The following ZNF704 variants were observed in gnomAD, a reference collection of about 807,000 sequenced individuals.
ZNF704 encodes the protein zinc finger protein 704.
Under a neutral mutation model 44.7 loss-of-function variants are expected in ZNF704, and 10 were observed. The observed-to-expected ratio is 0.22, with a 90% confidence interval of 0.14 to 0.38. The LOEUF (loss-of-function observed/expected upper bound fraction) is 0.38, where lower values mean the gene tolerates loss of function less well. Among genes scored for constraint, ZNF704 ranks in the 10% least tolerant of loss-of-function variants. The pLI is 1.00. For synonymous variants in ZNF704, 211 were observed against 207.6 expected (o/e 1.02, Z -0.14); for missense variants, 390 against 545.5 (o/e 0.71, Z 2.84).
intron 7 of ZNF704, among the ~76,000 whole-genome samples, chr8:80,653,639 C>T (rs58579409): frequency 0.047 from 7,200 of 151,766 alleles, 546 homozygotes; most frequent in African/African-American, 0.16. Flanking sequence ...ACAAGGGATG[C>T]GAAGGACCTC....
At chr8:80,667,915 T>C (rs1404656396) in intron 5 of ZNF704, among the ~76,000 whole-genome samples, 1 of 152,118 alleles carries the variant, frequency 6.6e-6, no homozygotes, top group Non-Finnish European at 1.5e-5. Context: ...AGCTAATAAA[T>C]ATAGGGTGCT....
At chr8:80,722,406 T>C (rs1005031523) in intron 2 of ZNF704, among the ~76,000 whole-genome samples, 1 of 152,220 alleles carries the variant, frequency 6.6e-6, no homozygotes, top group African/African-American at 2.4e-5. Context: ...AGGGCTGTCA[T>C]GAAGATTAAC....
chr8:80,663,191 G>A (rs1818128386), intron 6 of ZNF704, among the ~76,000 whole-genome samples: 1 of 151,966 alleles, frequency 6.6e-6, no homozygotes, highest in Non-Finnish European at 1.5e-5. Flanking sequence ...ACCAGCCTGG[G>A]CAATGTAGTG....
intron 2 of ZNF704, among the ~76,000 whole-genome samples, chr8:80,710,657 C>T (rs1818971367): frequency 6.6e-6 from 1 of 152,322 alleles, no homozygotes; most frequent in African/African-American, 2.4e-5. Context: ...AGCCTCCTCT[C>T]TCTACCGTGT....
chr8:80,750,678 G>C (rs1048283589), intron 2 of ZNF704, among the ~76,000 whole-genome samples: 1 of 152,066 alleles, frequency 6.6e-6, no homozygotes, highest in Non-Finnish European at 1.5e-5. Context: ...ACCACATCTG[G>C]CTAATTTTGT....
At chr8:80,854,762 A>G (rs549482737) in intron 1 of ZNF704, among the ~76,000 whole-genome samples, 25 of 152,336 alleles carry the variant, frequency 1.6e-4, no homozygotes, top group African/African-American at 5.8e-4. Context: ...AGCTTTCTAC[A>G]TTTGTCAAAT....
At chr8:80,833,901 A>T (rs570247322) in intron 1 of ZNF704, among the ~76,000 whole-genome samples, 9 of 152,268 alleles carry the variant, frequency 5.9e-5, no homozygotes, top group African/African-American at 2.2e-4. Flanking sequence ...GAATGGGCCA[A>T]AGTGTGGAGA....
intron 2 of ZNF704, among the ~76,000 whole-genome samples, chr8:80,736,793 A>G (rs1433716863): frequency 1.3e-5 from 2 of 152,136 alleles, no homozygotes; most frequent in South Asian, 2.1e-4. Flanking sequence ...AATCACCACT[A>G]AAGAACTTAT....
chr8:80,683,475 T>TGTC lies in ZNF704; in HGVS notation c.558+3748_558+3750dup, dbSNP rs538615089. Among the ~76,000 whole-genome samples, 198 of 152,332 alleles carry TGTC rather than the reference T, an allele frequency of 1.3e-3. 2 individuals are homozygous for TGTC. The highest frequency in any genetic ancestry group is 2.7e-3 in the Admixed American group (42 of 15,300). Reference sequence around the variant, plus strand: ...CCACCCTGCCACATAGCTGTAGCTATGTCTGATTATTTTCTCTCCACGTTT... The same window carrying TGTC: ...CCACCCTGCCACATAGCTGTAGCTATGTCGTCTGATTATTTTCTCTCCACGTTT... On this transcript the variant is annotated intron_variant, in intron 4 of 8. Coordinates refer to ENST00000327835, the MANE Select transcript of ZNF704 (RefSeq NM_001033723.3).
intron 2 of ZNF704, among the ~76,000 whole-genome samples, chr8:80,820,719 A>G: frequency 6.6e-6 from 1 of 152,056 alleles, no homozygotes; most frequent in East Asian, 1.9e-4. Context: ...TGGGTAACAC[A>G]GTGAGACACC....
chr8:80,753,311 T>TG (rs1444482827), intron 2 of ZNF704, among the ~76,000 whole-genome samples: 1 of 152,202 alleles, frequency 6.6e-6, no homozygotes, highest in Non-Finnish European at 1.5e-5. Context: ...TCTTCCTTCC[T>TG]GCTGGAGGAG....
intron 2 of ZNF704, among the ~76,000 whole-genome samples, chr8:80,748,542 C>T (rs192319311): frequency 6.6e-6 from 1 of 152,284 alleles, no homozygotes; most frequent in Admixed American, 6.5e-5. Context: ...TAGGCCCAAA[C>T]CAACGTATTA....
At position 80,634,094 on chromosome 8, in the gene ZNF704, C is replaced by G. The variant is rs1275510181; in HGVS notation, c.*7272G>C. 1 of 152,138 alleles carries G rather than the reference C, an allele frequency of 6.6e-6. No individual in the cohort carries two copies. Among genetic ancestry groups the G allele is most frequent in the African/African-American group, 2.4e-5 (1 of 41,408 alleles). 9.4% of individuals were successfully genotyped at this position (152,138 alleles called of 1,614,324 possible). The stretch of plus-strand genomic sequence containing the variant: ...GGAGTGTGGGGAGGCTGGCCAAGGG[C>G]TTTGGCACAAGGAGGCAATGTGTGC... On this transcript the variant is annotated 3_prime_UTR_variant, in exon 9 of 9. Coordinates refer to ENST00000327835, the MANE Select transcript of ZNF704 (RefSeq NM_001033723.3).
At chr8:80,789,614 T>C (rs188544452) in intron 2 of ZNF704, among the ~76,000 whole-genome samples, 1 of 152,196 alleles carries the variant, frequency 6.6e-6, no homozygotes. Flanking sequence ...TGGCCAGGTA[T>C]GCCTGCAGTC....
intron 2 of ZNF704, among the ~76,000 whole-genome samples, chr8:80,726,833 GCACA>G (rs60158512): frequency 6.3e-4 from 93 of 147,646 alleles, no homozygotes; most frequent in African/African-American, 1.8e-3. Context: ...ACACACACAT[GCACA>G]CACACACACA....
chr8:80,820,043 A>C (rs1808243357), intron 2 of ZNF704, among the ~76,000 whole-genome samples: 1 of 152,204 alleles, frequency 6.6e-6, no homozygotes, highest in South Asian at 2.1e-4. Flanking sequence ...CAATTGCTAT[A>C]AGCTCTAAGT....
intron 2 of ZNF704, among the ~76,000 whole-genome samples, chr8:80,757,781 T>C (rs1449905548): frequency 6.6e-6 from 1 of 152,200 alleles, no homozygotes; most frequent in Non-Finnish European, 1.5e-5. Flanking sequence ...TGTGTTACAA[T>C]TGCCTGCAGT....
chr8:80,853,455 C>T (rs1010707229), intron 1 of ZNF704, among the ~76,000 whole-genome samples: 3 of 151,638 alleles, frequency 2.0e-5, no homozygotes, highest in Non-Finnish European at 2.9e-5. Flanking sequence ...AAATGTTCTA[C>T]AAGTATTGCT....
intron 1 of ZNF704, among the ~76,000 whole-genome samples, chr8:80,866,226 G>C (rs568527073): frequency 6.6e-6 from 1 of 152,242 alleles, no homozygotes; most frequent in East Asian, 1.9e-4. Flanking sequence ...AAGGCTTTGG[G>C]CAGATCTAAT....
Sources: allele counts gnomAD v4.1 joint callset (sites outside exome capture counted in the v4.1 genomes callset), GRCh38; gene constraint gnomAD v4.1.1; transcripts MANE v1.5; gene names NCBI Gene and HGNC (gene_info 2026-07-23, HGNC 2026-07-21).